EGFR: variants seen among roughly 807,000 people sequenced by gnomAD.
EGFR encodes avian erythroblastic leukemia viral (v-erb-b) oncogene homolog.
EGFR carries 58 observed loss-of-function variants against 143.0 expected under a neutral mutation model. The ratio of observed to expected loss-of-function variants is 0.41; its 90% CI spans 0.33 to 0.50. EGFR has a LOEUF of 0.50. EGFR is among the 20% of genes least tolerant of loss of function. EGFR has a pLI of 0.39. For missense variants in EGFR, 1,307 were observed against 1,579.0 expected, an observed-to-expected ratio of 0.83 and a Z score of 2.92; for synonymous variants, 613 against 594.4, an observed-to-expected ratio of 1.03 and a Z score of -0.45.
intron 15 of EGFR, among the ~76,000 whole-genome samples, chr7:55,167,580 G>A (rs1786121238): frequency 6.6e-6 from 1 of 151,766 alleles, no homozygotes; most frequent in Admixed American, 6.5e-5. Flanking sequence ...TGGTGAGGAG[G>A]TGGGAGTCAC....
intron 1 of EGFR, among the ~76,000 whole-genome samples, chr7:55,125,186 A>G (rs1793451250): frequency 6.6e-6 from 1 of 152,124 alleles, no homozygotes; most frequent in African/African-American, 2.4e-5. Flanking sequence ...CTGGAGGCCT[A>G]ATGGGCCCTT....
At chr7:55,152,268 T>C (rs1482043908) in intron 5 of EGFR, 2 of 609,370 alleles carry the variant, frequency 3.3e-6, no homozygotes, top group African/African-American at 3.6e-5. Context: ...TTGTTCTTTG[T>C]ATGTGCTTTC....
At chr7:55,035,294 T>C (rs1241399782) in intron 1 of EGFR, among the ~76,000 whole-genome samples, 1 of 152,138 alleles carries the variant, frequency 6.6e-6, no homozygotes, top group Admixed American at 6.5e-5. Flanking sequence ...GGACTTAATA[T>C]TTTGATCTTA....
intron 1 of EGFR, among the ~76,000 whole-genome samples, chr7:55,030,048 C>A (rs1787161168): frequency 6.6e-6 from 1 of 152,170 alleles, no homozygotes; most frequent in African/African-American, 2.4e-5. Flanking sequence ...ATTGGGATAG[C>A]TTTCCAGATT....
intron 19 of EGFR, chr7:55,180,086 G>GC (rs1283803326): frequency 6.6e-6 from 1 of 152,490 alleles, no homozygotes; most frequent in Non-Finnish European, 1.5e-5. Context: ...CTCCTGACCT[G>GC]CCCGGGCACC....
intron 15 of EGFR, chr7:55,170,531 C>T (rs1327319131): frequency 1.2e-6 from 2 of 1,613,482 alleles, no homozygotes; most frequent in Admixed American, 3.3e-5. Context: ...ATCACGGCCT[C>T]CTCCTGCCAC....
chr7:55,188,285 C>G (rs1190879740), intron 20 of EGFR, among the ~76,000 whole-genome samples: 1 of 152,090 alleles, frequency 6.6e-6, no homozygotes. Context: ...CACAAACAAT[C>G]CAGTTCCCGC....
rs766842577 is a variant in EGFR at position 55,146,784 on chromosome 7, G to A, written c.559+44G>A. Reference sequence around the variant, plus strand: ...CTATCTCTGCCTCCAGCTCCTATGGGGGACAGCTCTACAGCACTGGGGCAG... The same window carrying A: ...CTATCTCTGCCTCCAGCTCCTATGGAGGACAGCTCTACAGCACTGGGGCAG... On this transcript the variant is annotated intron_variant, in intron 4 of 27. Transcript: ENST00000275493. 3.1e-6 allele frequency: 5 copies of A among 1,613,416 alleles called. 1 individual carries two copies. The South Asian group carries it at 3.3e-5, about 11-fold the overall frequency.
chr7:55,034,960 C>T (rs1055336240), intron 1 of EGFR, among the ~76,000 whole-genome samples: 1 of 152,152 alleles, frequency 6.6e-6, no homozygotes, highest in African/African-American at 2.4e-5. Flanking sequence ...GTGGTCTAAC[C>T]TTTGTCCTGT....
intron 6 of EGFR, among the ~76,000 whole-genome samples, chr7:55,153,119 A>T (rs17336598): frequency 0.01 from 1,531 of 152,270 alleles, 24 homozygotes; most frequent in African/African-American, 0.035. Context: ...AGAGCCACAC[A>T]GGTCTTGCTG....
intron 1 of EGFR, chr7:55,119,466 T>C (rs1486215864): frequency 6.6e-6 from 1 of 152,220 alleles, no homozygotes; most frequent in Non-Finnish European, 1.5e-5. Context: ...TTCAGCATAA[T>C]TGGAGTTGGT....
chr7:55,118,378 G>C (rs1241748103), intron 1 of EGFR, among the ~76,000 whole-genome samples: 2 of 152,160 alleles, frequency 1.3e-5, no homozygotes, highest in Non-Finnish European at 2.9e-5. Context: ...AGAAGCACTG[G>C]TAATCTCAAA....
At chr7:55,158,989 C>T (rs1785563415) in intron 11 of EGFR, among the ~76,000 whole-genome samples, 1 of 152,246 alleles carries the variant, frequency 6.6e-6, no homozygotes, top group East Asian at 1.9e-4. Flanking sequence ...TCAGTCTCTT[C>T]ATCCAGTGCT....
rs2128853200 is a variant in EGFR at position 55,019,251 on chromosome 7, C to T, written c.-27C>T. 6.8e-7 allele frequency: 1 copy of T among 1,468,560 alleles called. No individual in the cohort carries two copies. The highest frequency in any genetic ancestry group is 2.1e-5 in the Admixed American group (1 of 46,918). 91.0% of individuals were successfully genotyped at this position (1,468,560 alleles called of 1,614,324 possible). ...CTCCGTCCAGTATTGATCGGGAGAGCCGGAGCGAGCTCTTCGGGGAGCAGC... is the reference window on the plus strand; with the variant it reads ...CTCCGTCCAGTATTGATCGGGAGAGTCGGAGCGAGCTCTTCGGGGAGCAGC... On this transcript the variant is annotated 5_prime_UTR_variant, in exon 1 of 28. Transcript: ENST00000275493.
chr7:55,078,452 C>T (rs1790262976), intron 1 of EGFR, among the ~76,000 whole-genome samples: 1 of 152,210 alleles, frequency 6.6e-6, no homozygotes. Context: ...TGTGTGCTAG[C>T]TGCACCAACC....
At chr7:55,068,089 C>T (rs1182048677) in intron 1 of EGFR, among the ~76,000 whole-genome samples, 11 of 147,730 alleles carry the variant, frequency 7.4e-5, no homozygotes, top group Admixed American at 6.0e-4. Context: ...TGTGTGTGCA[C>T]AGGTGTGTAT....
intron 4 of EGFR, among the ~76,000 whole-genome samples, chr7:55,147,042 G>T (rs577412977): frequency 1.3e-5 from 2 of 152,270 alleles, no homozygotes; most frequent in East Asian, 3.9e-4. Flanking sequence ...GCAGCACCAG[G>T]GCCTCTCCTA....
At chr7:55,030,268 A>ATAAAG (rs1223463256) in intron 1 of EGFR, among the ~76,000 whole-genome samples, 1 of 152,242 alleles carries the variant, frequency 6.6e-6, no homozygotes, top group Non-Finnish European at 1.5e-5. Flanking sequence ...CAAAGGCTAA[A>ATAAAG]TAAAGTATTC....
chr7:55,201,854 T>G, intron 26 of EGFR, 72 bp downstream of exon 26: 2 of 1,538,054 alleles, frequency 1.3e-6, no homozygotes, highest in South Asian at 2.2e-5. Flanking sequence ...GGAAAATGCC[T>G]TAACCTAAAT....
Sources: gnomAD v4.1 joint callset for allele counts (sites outside exome capture counted in the v4.1 genomes callset) on GRCh38, gnomAD v4.1.1 for gene constraint, MANE v1.5 for transcripts, NCBI Gene and HGNC (gene_info 2026-07-23, HGNC 2026-07-21) for gene names.